PCDH15: variants seen among roughly 807,000 people sequenced by gnomAD.
The protein encoded by PCDH15 is protocadherin-15.
PCDH15 carries 129 observed loss-of-function variants against 178.5 expected under a neutral mutation model. The observed-to-expected ratio is 0.72, with a 90% CI of 0.63 to 0.84. PCDH15 has a LOEUF of 0.84. Among genes scored for constraint, PCDH15 ranks in the 40% least tolerant of loss-of-function variants. The pLI, the probability that PCDH15 is intolerant of heterozygous loss-of-function variation, is 0.00. For missense variants in PCDH15, 2,230 were observed against 2,099.9 expected (o/e 1.06, Z -1.21); for synonymous variants, 800 against 732.0 (o/e 1.09, Z -1.50).
intron 2 of PCDH15, among the ~76,000 whole-genome samples, chr10:55,341,042 C>CTTCAAT (rs1241328467): frequency 6.6e-6 from 1 of 151,566 alleles, no homozygotes; most frequent in Non-Finnish European, 1.5e-5. Context: ...TTTCATTCAC[C>CTTCAAT]TTCAATTTTT....
chr10:54,878,806 C>T (rs1246400021), intron 3 of PCDH15, among the ~76,000 whole-genome samples: 9 of 152,058 alleles, frequency 5.9e-5, no homozygotes, highest in Non-Finnish European at 1.3e-4. Flanking sequence ...TAGATATTCT[C>T]CTTGATGCTC....
At chr10:55,336,732 C>G (rs546673486) in intron 2 of PCDH15, among the ~76,000 whole-genome samples, 130 of 152,168 alleles carry the variant, frequency 8.5e-4, no homozygotes, top group Admixed American at 1.4e-3. Flanking sequence ...CAGACCCTTT[C>G]GCTCTCCAAA....
At chr10:54,948,501 C>A (rs1398102769) in intron 2 of PCDH15, among the ~76,000 whole-genome samples, 1 of 151,908 alleles carries the variant, frequency 6.6e-6, no homozygotes, top group African/African-American at 2.4e-5. Context: ...TATTAAGGAG[C>A]TTCTGTAAGA....
At chr10:53,983,921 A>G (rs2090884765) in intron 21 of PCDH15, among the ~76,000 whole-genome samples, 1 of 151,816 alleles carries the variant, frequency 6.6e-6, no homozygotes, top group Non-Finnish European at 1.5e-5. Context: ...ATCCTCCTGA[A>G]AAAAAAATGG....
At chr10:54,190,258 C>A (rs191805169) in intron 11 of PCDH15, among the ~76,000 whole-genome samples, 1 of 152,246 alleles carries the variant, frequency 6.6e-6, no homozygotes, top group Non-Finnish European at 1.5e-5. Context: ...GAGAGCCAAG[C>A]CCTGCAATGA....
chr10:55,260,655 G>A (rs1461502536), intron 1 of PCDH15, among the ~76,000 whole-genome samples: 3 of 152,004 alleles, frequency 2.0e-5, no homozygotes. Context: ...AAGCCATTTG[G>A]GAGGCAAACC....
chr10:54,866,151 T>C (rs1324298362), intron 3 of PCDH15, among the ~76,000 whole-genome samples: 2 of 152,198 alleles, frequency 1.3e-5, no homozygotes, highest in Non-Finnish European at 2.9e-5. Flanking sequence ...CTGATGATGT[T>C]CCAGGAATAG....
At chr10:53,876,849 A>G (rs962665654) in intron 26 of PCDH15, among the ~76,000 whole-genome samples, 2 of 152,174 alleles carry the variant, frequency 1.3e-5, no homozygotes, top group Admixed American at 6.5e-5. Flanking sequence ...AGAAACAGCA[A>G]TGTAATAATG....
At chr10:55,275,975 T>G (rs866799664) in intron 1 of PCDH15, among the ~76,000 whole-genome samples, 4 of 151,244 alleles carry the variant, frequency 2.6e-5, no homozygotes, top group African/African-American at 9.7e-5. Flanking sequence ...TCATAAAATA[T>G]ATATTTTTCT....
At chr10:54,149,494 T>C (rs934285618) in intron 14 of PCDH15, among the ~76,000 whole-genome samples, 1 of 152,112 alleles carries the variant, frequency 6.6e-6, no homozygotes, top group African/African-American at 2.4e-5. Context: ...GTAGCTATGA[T>C]CCTCAGAGAT....
At chr10:55,332,637 C>G (rs1263564152) in intron 2 of PCDH15, among the ~76,000 whole-genome samples, 2 of 152,106 alleles carry the variant, frequency 1.3e-5, no homozygotes, top group African/African-American at 2.4e-5. Flanking sequence ...CCCACAATTC[C>G]TATGTGTTGT....
chr10:54,110,861 C>T (rs1033937078), intron 15 of PCDH15, among the ~76,000 whole-genome samples: 2 of 152,068 alleles, frequency 1.3e-5, no homozygotes, highest in African/African-American at 2.4e-5. Flanking sequence ...TTTGAAACCA[C>T]GAGACATATA....
chr10:54,038,264 C>T (rs1290142784), intron 18 of PCDH15, among the ~76,000 whole-genome samples: 1 of 151,938 alleles, frequency 6.6e-6, no homozygotes, highest in African/African-American at 2.4e-5. Flanking sequence ...AAAAAAGAGC[C>T]TCTCACTTTG....
chr10:55,025,070 C>A (rs1029209557), intron 2 of PCDH15, among the ~76,000 whole-genome samples: 5 of 152,108 alleles, frequency 3.3e-5, no homozygotes, highest in African/African-American at 1.2e-4. Flanking sequence ...ACCTCTCTCC[C>A]TGTATCTCTA....
chr10:54,183,326 C>T, intron 13 of PCDH15, 118 bp downstream of exon 13: 2 of 1,004,672 alleles, frequency 2.0e-6, no homozygotes, highest in Non-Finnish European at 1.6e-6. Context: ...ACTAATTATG[C>T]TATACAATAA....
intron 9 of PCDH15, among the ~76,000 whole-genome samples, chr10:54,233,177 C>T (rs2054260507): frequency 6.6e-6 from 1 of 152,058 alleles, no homozygotes; most frequent in African/African-American, 2.4e-5. Context: ...CTCCAGGTCT[C>T]AAGCAATCCA....
At chr10:53,836,624 C>T (rs991240044) in intron 29 of PCDH15, among the ~76,000 whole-genome samples, 1 of 152,162 alleles carries the variant, frequency 6.6e-6, no homozygotes, top group Non-Finnish European at 1.5e-5. Context: ...CAAATAATTC[C>T]TGAATAGCTT....
intron 1 of PCDH15, among the ~76,000 whole-genome samples, chr10:54,791,847 C>A (rs1015718888): frequency 1.3e-5 from 2 of 151,894 alleles, no homozygotes; most frequent in Non-Finnish European, 2.9e-5. Context: ...CTTAATTTCT[C>A]ATTTCTGCTC....
chr10:54,167,721 C>T (rs2046374043), intron 13 of PCDH15, among the ~76,000 whole-genome samples: 3 of 57,760 alleles, frequency 5.2e-5, no homozygotes, highest in Admixed American at 1.8e-4. Flanking sequence ...GGGCAAGAAC[C>T]CCCAATCTCT....
Sources: gnomAD v4.1 joint callset for allele counts (sites outside exome capture counted in the v4.1 genomes callset) on GRCh38, gnomAD v4.1.1 for gene constraint, MANE v1.5 for transcripts, NCBI Gene and HGNC (gene_info 2026-07-23, HGNC 2026-07-21) for gene names.